DNAJC24: variants seen among roughly 807,000 people sequenced by gnomAD.
The protein encoded by DNAJC24 is dnaJ homolog subfamily C member 24.
Under a neutral mutation model 18.0 loss-of-function variants are expected in DNAJC24, and 17 were observed. That is an observed-to-expected ratio of 0.94 (90% CI 0.65 to 1.42). DNAJC24 has a LOEUF of 1.42. DNAJC24 is among the 40% of genes most tolerant of loss of function. The probability of loss-of-function intolerance (pLI) is 0.00; values close to 1 mark genes in which losing one functional copy is unlikely to be tolerated. For synonymous variants in DNAJC24, 55 were observed against 57.7 expected, an observed-to-expected ratio of 0.95 and a Z score of 0.21; for missense variants, 158 against 175.6, an observed-to-expected ratio of 0.90 and a Z score of 0.57.
At chr11:31,405,696 C>T (rs1464197606) in intron 2 of DNAJC24, among the ~76,000 whole-genome samples, 1 of 151,928 alleles carries the variant, frequency 6.6e-6, no homozygotes, top group Admixed American at 6.6e-5. Flanking sequence ...TTCATGCAGT[C>T]CTCCCGCCTC....
In DNAJC24 at chr11:31,432,342, A is replaced by G. The variant is rs1326191548; in HGVS notation, c.*1941A>G. 6 of 547,136 alleles carry G rather than the reference A, an allele frequency of 1.1e-5. No homozygotes were observed. Among genetic ancestry groups the G allele is most frequent in the African/African-American group, 5.8e-5 (3 of 52,136 alleles). 33.9% of individuals were successfully genotyped at this position (547,136 alleles called of 1,614,324 possible). ...TTATCCATATATTTTGAACTAACAG[A>G]ACTTGGCAGAATGTGTGTTGAATAT... is the stretch of plus-strand genomic sequence containing the variant. On this transcript the variant is annotated 3_prime_UTR_variant, in exon 5 of 5. Transcript: ENST00000465995.
chr11:31,397,536 C>A (rs1356545601), intron 2 of DNAJC24, among the ~76,000 whole-genome samples: 2 of 149,850 alleles, frequency 1.3e-5, no homozygotes, highest in Non-Finnish European at 3.0e-5. Flanking sequence ...GTAAAGGACA[C>A]AATTGCAGTA....
chr11:31,420,202 T>A (rs1164751665), intron 3 of DNAJC24, among the ~76,000 whole-genome samples: 2 of 152,086 alleles, frequency 1.3e-5, no homozygotes, highest in Non-Finnish European at 2.9e-5. Context: ...ATTTAGAGGC[T>A]CCCAGACACA....
At chr11:31,385,618 T>C (rs1025199806) in intron 2 of DNAJC24, among the ~76,000 whole-genome samples, 2 of 152,194 alleles carry the variant, frequency 1.3e-5, no homozygotes, top group African/African-American at 4.8e-5. Context: ...CTTTTCTAAG[T>C]TAAGTAAACT....
intron 3 of DNAJC24, among the ~76,000 whole-genome samples, chr11:31,419,801 T>G (rs542284056): frequency 3.9e-5 from 6 of 152,246 alleles, no homozygotes; most frequent in Non-Finnish European, 7.4e-5. Context: ...ACTTCTACTT[T>G]GCTCCATTTA....
At chr11:31,415,102 C>T in intron 3 of DNAJC24, 153 bp downstream of exon 3, 1 of 778,662 alleles carries the variant, frequency 1.3e-6, no homozygotes, top group East Asian at 2.8e-5. Context: ...ATGCCCTATT[C>T]TTAGCAGTGA....
chr11:31,406,251 G>T (rs1157632457), intron 2 of DNAJC24, among the ~76,000 whole-genome samples: 1 of 152,176 alleles, frequency 6.6e-6, no homozygotes, highest in East Asian at 1.9e-4. Context: ...GTAATAGAAT[G>T]ACATAGTAAA....
Position 31,418,565 on chromosome 11 carries a change from A to G in DNAJC24, c.250+3616A>G, listed in dbSNP as rs575197816. ...AGCAAACCTTGAAATACATTTAATC[A>G]GATTAAATAATGTTTAAAAGAATAG... On this transcript the variant is annotated intron_variant, in intron 3 of 4. Transcript: ENST00000465995. 4.6e-5 allele frequency among the ~76,000 whole-genome samples: 7 copies of G among 152,218 alleles called. No homozygotes were observed. The South Asian group carries it at 1.4e-3, about 32-fold the overall frequency.
At chr11:31,387,883 T>C (rs1439446040) in intron 2 of DNAJC24, among the ~76,000 whole-genome samples, 1 of 152,112 alleles carries the variant, frequency 6.6e-6, no homozygotes, top group Non-Finnish European at 1.5e-5. Context: ...CCTTTCAAAA[T>C]CCTATCAAAT....
intron 2 of DNAJC24, among the ~76,000 whole-genome samples, chr11:31,406,368 T>G (rs1952658640): frequency 6.6e-6 from 1 of 152,214 alleles, no homozygotes; most frequent in African/African-American, 2.4e-5. Flanking sequence ...CTAAAATCAG[T>G]AAGTTTCATA....
intron 2 of DNAJC24, among the ~76,000 whole-genome samples, chr11:31,393,158 T>C (rs1163599160): frequency 6.6e-6 from 1 of 152,212 alleles, no homozygotes; most frequent in African/African-American, 2.4e-5. Flanking sequence ...CAGAGACAGC[T>C]ACCACTTATC....
intron 2 of DNAJC24, among the ~76,000 whole-genome samples, chr11:31,375,409 G>C (rs1952303914): frequency 7.4e-6 from 1 of 135,150 alleles, no homozygotes; most frequent in Non-Finnish European, 1.7e-5. Context: ...AGGTATAGCT[G>C]TTAGATAAGG....
intron 2 of DNAJC24, among the ~76,000 whole-genome samples, chr11:31,378,042 G>A (rs1433715886): frequency 1.3e-5 from 2 of 152,082 alleles, no homozygotes; most frequent in Non-Finnish European, 2.9e-5. Context: ...GAAAAAGAAA[G>A]TAGAAAGGGG....
At position 31,432,685 on chromosome 11, in the gene DNAJC24, CATCA is replaced by C; in HGVS notation, c.*2290_*2293del. 1.5e-6 allele frequency: 1 copy of C among 678,632 alleles called. No individual in the cohort carries two copies. The highest frequency in any genetic ancestry group is 2.6e-6 in the Non-Finnish European group (1 of 381,156). 42.0% of individuals were successfully genotyped at this position (678,632 alleles called of 1,614,324 possible). On this transcript the variant is annotated 3_prime_UTR_variant, in exon 5 of 5. Coordinates refer to ENST00000465995, the MANE Select transcript of DNAJC24 (RefSeq NM_181706.5). ...GCCAGATAAACACTTTCTCCTTACT[CATCA>C]ATCAAGAATAAAATTTTCTACATCA...
At chr11:31,396,816 T>C (rs1251990271) in intron 2 of DNAJC24, among the ~76,000 whole-genome samples, 1 of 152,168 alleles carries the variant, frequency 6.6e-6, no homozygotes, top group Non-Finnish European at 1.5e-5. Flanking sequence ...TTGACCCCAG[T>C]CTAGCTTTTC....
intron 2 of DNAJC24, among the ~76,000 whole-genome samples, chr11:31,374,753 CAAT>C (rs1952296440): frequency 7.5e-6 from 1 of 134,076 alleles, no homozygotes; most frequent in African/African-American, 2.5e-5. Flanking sequence ...TTCCGTTCCT[CAAT>C]TTCTCCTGCC....
chr11:31,418,461 T>G (rs1460763457), intron 3 of DNAJC24, among the ~76,000 whole-genome samples: 2 of 152,086 alleles, frequency 1.3e-5, no homozygotes, highest in African/African-American at 4.8e-5. Context: ...AATGTGAAAG[T>G]CACAGATCTC....
chr11:31,418,666 TG>T (rs1952774559), intron 3 of DNAJC24, among the ~76,000 whole-genome samples: 2 of 152,116 alleles, frequency 1.3e-5, no homozygotes, highest in African/African-American at 4.8e-5. Context: ...TGAATTATTT[TG>T]GTAAGGTAGA....
chr11:31,386,024 A>T (rs1039162109), intron 2 of DNAJC24, among the ~76,000 whole-genome samples: 6 of 152,198 alleles, frequency 3.9e-5, no homozygotes, highest in Admixed American at 6.5e-5. Flanking sequence ...GCAGAACTCA[A>T]CCAGCACCCA....
Sources: allele counts gnomAD v4.1 joint callset (sites outside exome capture counted in the v4.1 genomes callset), GRCh38; gene constraint gnomAD v4.1.1; transcripts MANE v1.5; gene names NCBI Gene and HGNC (gene_info 2026-07-23, HGNC 2026-07-21).